The following FRA10AC1 variants were observed in gnomAD, a reference collection of about 807,000 sequenced individuals.
FRA10AC1 encodes the protein FRA10A associated CGG repeat 1.
A neutral mutation model predicts 56.5 loss-of-function variants in FRA10AC1; 43 were observed. The ratio of observed to expected loss-of-function variants is 0.76; its 90% CI spans 0.60 to 0.98. The LOEUF is 0.98. Among genes scored for constraint, FRA10AC1 ranks in the 50% least tolerant of loss-of-function variants. The pLI, the probability that FRA10AC1 is intolerant of heterozygous loss-of-function variation, is 0.00. For synonymous variants in FRA10AC1, 112 were observed against 110.5 expected (o/e 1.01, Z -0.09); for missense variants, 346 against 351.8 (o/e 0.98, Z 0.13).
intron 10 of FRA10AC1, among the ~76,000 whole-genome samples, chr10:93,681,823 T>G (rs992722697): frequency 1.3e-5 from 2 of 152,234 alleles, no homozygotes; most frequent in Non-Finnish European, 2.9e-5. Context: ...AATAATTACT[T>G]TCTATAAGTT....
chr10:93,688,487 C>T (rs2059068893), intron 7 of FRA10AC1, among the ~76,000 whole-genome samples: 1 of 152,000 alleles, frequency 6.6e-6, no homozygotes, highest in Non-Finnish European at 1.5e-5. Flanking sequence ...AGAGTGAACC[C>T]TAATGTAAGC....
At chr10:93,679,320 G>A (rs1364143503) in intron 11 of FRA10AC1, among the ~76,000 whole-genome samples, 1 of 152,158 alleles carries the variant, frequency 6.6e-6, no homozygotes, top group Non-Finnish European at 1.5e-5. Context: ...AACAAAGCAG[G>A]CAGAATCTCT....
intron 8 of FRA10AC1, among the ~76,000 whole-genome samples, chr10:93,686,431 T>C (rs2059029089): frequency 6.6e-6 from 1 of 151,802 alleles, no homozygotes; most frequent in Non-Finnish European, 1.5e-5. Flanking sequence ...TTTTAAAAGG[T>C]AGCATTATAA....
Position 93,702,543 on chromosome 10 carries a change from G to GCCGCCGCCA in FRA10AC1, c.-170_-169insTGGCGGCGG. ...CACCACCGCCGCCGCCGCCGCCGCCGCCGCCCGCAACCCGCCTCTCCCTAC... is the reference window on the plus strand; with the variant it reads ...CACCACCGCCGCCGCCGCCGCCGCCGCCGCCGCCACCGCCCGCAACCCGCCTCTCCCTAC... On this transcript the variant is annotated 5_prime_UTR_variant, in exon 1 of 14. Transcript: ENST00000359204. 1 of 226,598 alleles carries GCCGCCGCCA rather than the reference G, an allele frequency of 4.4e-6. No individual in the cohort carries two copies. The highest frequency in any genetic ancestry group is 8.5e-6 in the Non-Finnish European group (1 of 116,988). The allele number at this position is 226,598 out of a possible 1,614,324, so 14.0% of individuals were successfully genotyped here. A position where few individuals can be genotyped will look rare whatever the true frequency, so the allele number is the denominator to read the frequency against.
chr10:93,698,493 A>T (rs1376138878), intron 2 of FRA10AC1, 97 bp from the exon 3 acceptor site: 2 of 663,022 alleles, frequency 3.0e-6, no homozygotes, highest in African/African-American at 3.6e-5. Flanking sequence ...AAAGAATGTA[A>T]GTCTTAACTT....
At chr10:93,698,775 A>T (rs10882307) in intron 2 of FRA10AC1, among the ~76,000 whole-genome samples, 4 of 151,276 alleles carry the variant, frequency 2.6e-5, no homozygotes, top group Non-Finnish European at 5.9e-5. Context: ...TTAATGATAC[A>T]CAAAAAGCAA....
chr10:93,684,146 T>C (rs974594312), intron 9 of FRA10AC1, 48 bp from the exon 10 acceptor site: 1 of 1,327,854 alleles, frequency 7.5e-7, no homozygotes, highest in Non-Finnish European at 1.1e-6. Flanking sequence ...ATAACCACAC[T>C]GCTAATCTAC....
chr10:93,701,510 T>C (rs1208374503), intron 1 of FRA10AC1, among the ~76,000 whole-genome samples: 1 of 152,222 alleles, frequency 6.6e-6, no homozygotes, highest in Non-Finnish European at 1.5e-5. Flanking sequence ...AAATAACCTT[T>C]AAAGTCTGTA....
rs2058984422 is a variant in FRA10AC1, at chr10:93,684,163, TATC to T, written c.626-68_626-66del. ...AACCACACTGCTAATCTACTTTTAA[TATC>T]ATAAATTCGCACTTTCTTTATATTC... On this transcript the variant is annotated intron_variant, in intron 9 of 13. Coordinates refer to ENST00000359204, the MANE Select transcript of FRA10AC1 (RefSeq NM_145246.5). 4 of 1,196,580 alleles carry T rather than the reference TATC, an allele frequency of 3.3e-6. No individual in the cohort carries two copies. In the East Asian group the frequency reaches 9.4e-5, roughly 28 times the overall value. The allele number at this position is 1,196,580 out of a possible 1,614,324, so 74.1% of individuals were successfully genotyped here.
Position 93,694,952 on chromosome 10 carries a change from A to C in FRA10AC1, c.220-15T>G, listed in dbSNP as rs895016037. On this transcript the variant is annotated splice_polypyrimidine_tract_variant and intron_variant, in intron 4 of 13. Transcript: ENST00000359204. ...TGTCTTTGATACTGAAATGCAAAAA[A>C]TTAAGGATTTTATTCTCTTAGGAGC... is the stretch of plus-strand genomic sequence containing the variant. 7.5e-7 allele frequency: 1 copy of C among 1,332,300 alleles called. No homozygotes were observed. The highest frequency in any genetic ancestry group is 1.7e-5 in the Admixed American group (1 of 57,938). 82.5% of individuals were successfully genotyped at this position (1,332,300 alleles called of 1,614,324 possible). A position where few individuals can be genotyped will look rare whatever the true frequency, so the allele number is the denominator to read the frequency against.
At chr10:93,684,497 C>CTTT (rs56873831) in intron 9 of FRA10AC1, among the ~76,000 whole-genome samples, 1 of 130,038 alleles carries the variant, frequency 7.7e-6, no homozygotes, top group African/African-American at 2.8e-5. Flanking sequence ...ATTGTGGTCT[C>CTTT]TTTTTTTTTT....
chr10:93,698,501 C>T (rs1451551960), intron 2 of FRA10AC1, 105 bp from the exon 3 acceptor site: 6 of 612,936 alleles, frequency 9.8e-6, no homozygotes, highest in Non-Finnish European at 1.6e-5. Context: ...TAAGTCTTAA[C>T]TTTAAGAAGA....
At chr10:93,693,272 G>A (rs2059154749) in intron 5 of FRA10AC1, among the ~76,000 whole-genome samples, 1 of 149,288 alleles carries the variant, frequency 6.7e-6, no homozygotes, top group African/African-American at 2.5e-5. Flanking sequence ...TGATAGGTGA[G>A]ATAAATTGGG....
At chr10:93,682,011 A>C (rs1353412858) in intron 10 of FRA10AC1, among the ~76,000 whole-genome samples, 1 of 152,206 alleles carries the variant, frequency 6.6e-6, no homozygotes, top group Non-Finnish European at 1.5e-5. Flanking sequence ...AACAGCTCTA[A>C]GCCACCAGTA....
intron 4 of FRA10AC1, 94 bp from the exon 5 acceptor site, chr10:93,695,031 G>T: frequency 4.3e-6 from 3 of 704,248 alleles, no homozygotes; most frequent in Admixed American, 2.3e-5. Context: ...CACAATATGA[G>T]TCTATTTAGC....
chr10:93,673,657 A>G (rs1388399439), intron 12 of FRA10AC1: 1 of 361,166 alleles, frequency 2.8e-6, no homozygotes. Context: ...CATCAATTCT[A>G]GAGAACAAAC....
rs767963044 is a variant in FRA10AC1, at chr10:93,698,427, C to CT, written c.78-32dup. On this transcript the variant is annotated intron_variant, in intron 2 of 13. Coordinates refer to ENST00000359204, the MANE Select transcript of FRA10AC1 (RefSeq NM_145246.5). ...ATATTAAGAAGAAAATAAGAGTTCA[C>CT]TTTTTTCAAAGGTTATTTTCTAATT... 8.7e-6 allele frequency: 11 copies of CT among 1,265,920 alleles called. No homozygotes were observed. In the East Asian group the frequency reaches 2.3e-4, roughly 27 times the overall value. The allele number at this position is 1,265,920 out of a possible 1,614,324, so 78.4% of individuals were successfully genotyped here.
intron 10 of FRA10AC1, among the ~76,000 whole-genome samples, chr10:93,682,346 T>C (rs2058949368): frequency 6.6e-6 from 1 of 152,210 alleles, no homozygotes; most frequent in Non-Finnish European, 1.5e-5. Flanking sequence ...ATCTACTAAA[T>C]GCTATAATAG....
intron 12 of FRA10AC1, chr10:93,672,599 T>A (rs1222357108): frequency 1.3e-5 from 2 of 152,344 alleles, no homozygotes; most frequent in Non-Finnish European, 2.9e-5. Flanking sequence ...GCTGTTATCT[T>A]GTTCCCTTCC....
Sources: allele counts gnomAD v4.1 joint callset (sites outside exome capture counted in the v4.1 genomes callset), GRCh38; gene constraint gnomAD v4.1.1; transcripts MANE v1.5; gene names NCBI Gene and HGNC (gene_info 2026-07-23, HGNC 2026-07-21).